The following TFEC variants were observed in gnomAD, a reference collection of about 807,000 sequenced individuals.
TFEC encodes transcription factor EC, also known as class E basic helix-loop-helix protein 34.
A neutral mutation model predicts 41.6 loss-of-function variants in TFEC; 31 were observed. The observed-to-expected ratio is 0.74, with a 90% confidence interval of 0.56 to 1.01. The LOEUF is 1.01. TFEC is among the 50% of genes least tolerant of loss of function. TFEC has a pLI of 0.00. For synonymous variants in TFEC, 143 were observed against 140.6 expected (o/e 1.02, Z -0.12); for missense variants, 402 against 404.1 (o/e 0.99, Z 0.04).
At position 115,955,111 on chromosome 7, in the gene TFEC, A is replaced by G. The variant is rs141564349; in HGVS notation, c.383-469T>C. Among the ~76,000 whole-genome samples, 339 of 152,144 alleles carry G rather than the reference A, an allele frequency of 2.2e-3. 1 individual carries two copies. Among genetic ancestry groups the G allele is most frequent in the South Asian group, 8.5e-3 (41 of 4,826 alleles). On this transcript the variant is annotated intron_variant, in intron 4 of 7. Coordinates refer to ENST00000265440, the MANE Select transcript of TFEC (RefSeq NM_012252.4). ...TACATCCCAAGAGTTGCAACTCACT[A>G]TATTTCTCAAATATCCATATGAAAC...
intron 6 of TFEC, among the ~76,000 whole-genome samples, chr7:115,947,334 G>A (rs1368493974): frequency 6.6e-6 from 1 of 151,354 alleles, no homozygotes; most frequent in East Asian, 2.0e-4. Context: ...GGACATTTGG[G>A]TTGGTTCCAA....
chr7:116,046,015 A>G (rs990879106), intron 3 of TFEC, among the ~76,000 whole-genome samples: 2 of 152,186 alleles, frequency 1.3e-5, no homozygotes, highest in African/African-American at 4.8e-5. Flanking sequence ...CCCATTTGGA[A>G]TGGCTATATT....
chr7:116,021,879 G>C (rs544591953), intron 1 of TFEC, among the ~76,000 whole-genome samples: 4 of 152,306 alleles, frequency 2.6e-5, no homozygotes, highest in Admixed American at 2.6e-4. Flanking sequence ...TATATTTGAA[G>C]GGAGCTTTAT....
chr7:116,101,125 T>C lies in TFEC; in HGVS notation c.198+9583A>G, dbSNP rs1193592707. On this transcript the variant is annotated intron_variant, in intron 3 of 8. Coordinates refer to the TFEC transcript ENST00000484212. ...ACTTCAATTCACATTTGAAAATGAT[T>C]GCATTTTGCTTAAGCCCTGACACTG... 2.0e-5 allele frequency among the ~76,000 whole-genome samples: 3 copies of C among 152,002 alleles called. No individual in the cohort carries two copies. The South Asian group carries it at 6.2e-4, about 31-fold the overall frequency.
chr7:116,073,691 G>A (rs1173206001), intron 3 of TFEC, among the ~76,000 whole-genome samples: 6 of 151,734 alleles, frequency 4.0e-5, no homozygotes, highest in Non-Finnish European at 7.4e-5. Flanking sequence ...TCTTGAAAAA[G>A]AACAGCTAAA....
chr7:115,974,776 A>G (rs1793307614), intron 2 of TFEC, among the ~76,000 whole-genome samples: 1 of 151,952 alleles, frequency 6.6e-6, no homozygotes, highest in Non-Finnish European at 1.5e-5. Flanking sequence ...GATATAGAAG[A>G]GACGGAAACA....
intron 1 of TFEC, among the ~76,000 whole-genome samples, chr7:115,989,724 C>T (rs986824253): frequency 1.8e-4 from 28 of 152,076 alleles, no homozygotes; most frequent in Non-Finnish European, 3.5e-4. Context: ...ACAAAGCGGC[C>T]GGGAAGCTTG....
chr7:115,989,139 A>C (rs764699855), intron 1 of TFEC, among the ~76,000 whole-genome samples: 1 of 152,240 alleles, frequency 6.6e-6, no homozygotes, highest in Non-Finnish European at 1.5e-5. Flanking sequence ...AAAATAATGT[A>C]GGTCAAAAAG....
At chr7:116,043,651 G>A (rs1379680691) in intron 3 of TFEC, among the ~76,000 whole-genome samples, 4 of 152,110 alleles carry the variant, frequency 2.6e-5, no homozygotes, top group African/African-American at 9.7e-5. Context: ...ATTAAAAGCA[G>A]TATAGCTGTA....
chr7:116,144,292 G>T (rs375357073), intron 1 of TFEC, among the ~76,000 whole-genome samples: 157 of 152,078 alleles, frequency 1.0e-3, no homozygotes, highest in Non-Finnish European at 1.7e-3. Flanking sequence ...CTAGGTATTT[G>T]GATTATTAAA....
intron 1 of TFEC, among the ~76,000 whole-genome samples, chr7:116,144,172 G>A (rs1045043348): frequency 6.6e-6 from 1 of 151,412 alleles, no homozygotes; most frequent in Non-Finnish European, 1.5e-5. Context: ...AGCCAAAATT[G>A]TGCCACTGCA....
intron 2 of TFEC, among the ~76,000 whole-genome samples, chr7:115,977,487 A>G (rs978910369): frequency 2.0e-5 from 3 of 152,098 alleles, no homozygotes; most frequent in Admixed American, 1.3e-4. Context: ...TTGAACCTAC[A>G]TATTTATAGC....
intron 5 of TFEC, among the ~76,000 whole-genome samples, chr7:115,952,802 GCAAGAGAGGCT>G (rs1792016884): frequency 6.6e-6 from 1 of 152,020 alleles, no homozygotes; most frequent in Non-Finnish European, 1.5e-5. Context: ...TTAGATCCAG[GCAAGAGAGGCT>G]CTTACTCTGA....
chr7:115,979,188 T>C (rs1201663764), intron 2 of TFEC, among the ~76,000 whole-genome samples: 1 of 152,050 alleles, frequency 6.6e-6, no homozygotes, highest in Non-Finnish European at 1.5e-5. Context: ...TGATCTAGAG[T>C]CAAATCTGAT....
chr7:116,019,694 A>G (rs1484278529), intron 1 of TFEC, among the ~76,000 whole-genome samples: 4 of 152,204 alleles, frequency 2.6e-5, no homozygotes, highest in Non-Finnish European at 5.9e-5. Flanking sequence ...TAGAATCCAA[A>G]GAGAACAGTG....
At chr7:115,948,330 C>G in intron 6 of TFEC, among the ~76,000 whole-genome samples, 1 of 151,878 alleles carries the variant, frequency 6.6e-6, no homozygotes, top group East Asian at 1.9e-4. Flanking sequence ...AAGAGGGAAT[C>G]CTCCCTAACT....
intron 3 of TFEC, among the ~76,000 whole-genome samples, chr7:116,075,927 G>A (rs771777671): frequency 1.4e-4 from 21 of 152,262 alleles, no homozygotes; most frequent in Non-Finnish European, 2.8e-4. Context: ...CAGCTAATGC[G>A]CTCTTGAAAG....
intron 1 of TFEC, among the ~76,000 whole-genome samples, chr7:116,131,097 G>T (rs1798323212): frequency 6.6e-6 from 1 of 152,156 alleles, no homozygotes; most frequent in Non-Finnish European, 1.5e-5. Flanking sequence ...TAAGACCCAA[G>T]ATCTGATTTA....
At chr7:116,058,852 A>G (rs1796487726) in intron 3 of TFEC, among the ~76,000 whole-genome samples, 1 of 151,852 alleles carries the variant, frequency 6.6e-6, no homozygotes, top group Non-Finnish European at 1.5e-5. Flanking sequence ...TGAAGACAGG[A>G]GTAAAACAGA....
Sources: allele counts gnomAD v4.1 joint callset (sites outside exome capture counted in the v4.1 genomes callset), GRCh38; gene constraint gnomAD v4.1.1; transcripts MANE v1.5; gene names NCBI Gene and HGNC (gene_info 2026-07-23, HGNC 2026-07-21).